Variants in HEATR5A observed in about 807,000 individuals in gnomAD.
The protein encoded by HEATR5A is HEAT repeat containing 5A.
In HEATR5A, 178 loss-of-function variants were observed where a neutral mutation model predicts 218.8. The observed-to-expected ratio is 0.81, with a 90% confidence interval of 0.72 to 0.92. HEATR5A has a LOEUF of 0.92. HEATR5A is among the 40% of genes least tolerant of loss of function. The probability of loss-of-function intolerance (pLI) is 0.00; values close to 1 mark genes in which losing one functional copy is unlikely to be tolerated. For synonymous variants in HEATR5A, 864 were observed against 871.6 expected, an observed-to-expected ratio of 0.99 and a Z score of 0.15; for missense variants, 2,420 against 2,418.9, an observed-to-expected ratio of 1.00 and a Z score of -0.01.
intron 6 of HEATR5A, among the ~76,000 whole-genome samples, chr14:31,390,056 T>C (rs556985074): frequency 6.6e-6 from 1 of 152,198 alleles, no homozygotes; most frequent in South Asian, 2.1e-4. Context: ...ACAGTTTGAA[T>C]GTAGGGAAGA....
intron 16 of HEATR5A, among the ~76,000 whole-genome samples, 172 bp from the exon 17 acceptor site, chr14:31,350,889 C>T (rs1345843402): frequency 6.6e-6 from 1 of 152,142 alleles, no homozygotes; most frequent in Non-Finnish European, 1.5e-5. Flanking sequence ...GAGATTCTCT[C>T]ACCTCAGTCT....
chr14:31,385,912 G>C (rs1213374362), intron 9 of HEATR5A, among the ~76,000 whole-genome samples: 1 of 152,106 alleles, frequency 6.6e-6, no homozygotes, highest in African/African-American at 2.4e-5. Context: ...ATTTTTAGTA[G>C]AGACGGGGTT....
intron 22 of HEATR5A, among the ~76,000 whole-genome samples, chr14:31,326,818 T>A (rs996852903): frequency 1.4e-4 from 21 of 151,920 alleles, no homozygotes; most frequent in African/African-American, 4.4e-4. Context: ...AATTTTTTTT[T>A]ATTTTTAGTA....
At chr14:31,378,463 T>C (rs2029870515) in intron 11 of HEATR5A, among the ~76,000 whole-genome samples, 1 of 152,196 alleles carries the variant, frequency 6.6e-6, no homozygotes, top group African/African-American at 2.4e-5. Flanking sequence ...CTAAACTTGA[T>C]CTAGTCCAAT....
At chr14:31,368,329 G>T (rs1360997484) in intron 13 of HEATR5A, among the ~76,000 whole-genome samples, 1 of 152,076 alleles carries the variant, frequency 6.6e-6, no homozygotes, top group African/African-American at 2.4e-5. Flanking sequence ...CCTGCCTCCA[G>T]AACTGTTAGA....
intron 4 of HEATR5A, among the ~76,000 whole-genome samples, chr14:31,398,398 A>G (rs1403500438): frequency 1.3e-5 from 2 of 152,190 alleles, no homozygotes; most frequent in African/African-American, 4.8e-5. Flanking sequence ...GAGTAAGAGG[A>G]GAGAGTAGGG....
intron 29 of HEATR5A, among the ~76,000 whole-genome samples, chr14:31,308,337 G>A (rs1182643668): frequency 2.0e-5 from 3 of 151,818 alleles, no homozygotes; most frequent in Admixed American, 1.3e-4. Flanking sequence ...GAGAAACCCC[G>A]TCTCGACTAA....
intron 20 of HEATR5A, 38 bp from the exon 21 acceptor site, chr14:31,344,103 AT>A (rs1040984422): frequency 2.4e-6 from 3 of 1,244,258 alleles, no homozygotes; most frequent in Admixed American, 3.2e-5. Context: ...TAATTGGCCT[AT>A]AAAAACATTA....
chr14:31,304,392 A>G (rs1899486203), intron 32 of HEATR5A, among the ~76,000 whole-genome samples: 2 of 152,204 alleles, frequency 1.3e-5, no homozygotes, highest in South Asian at 2.1e-4. Context: ...GAGCATATCT[A>G]TAATACTTGC....
At chr14:31,347,415 T>C (rs577212974) in intron 19 of HEATR5A, among the ~76,000 whole-genome samples, 1 of 152,300 alleles carries the variant, frequency 6.6e-6, no homozygotes, top group East Asian at 1.9e-4. Context: ...TTTTACCATG[T>C]TGCCCAGACT....
At chr14:31,337,704 T>C in intron 21 of HEATR5A, 90 bp from the exon 22 acceptor site, 1 of 1,128,330 alleles carries the variant, frequency 8.9e-7, no homozygotes, top group Non-Finnish European at 1.3e-6. Flanking sequence ...CCTTCCTGAT[T>C]CTGTCCAGCC....
chr14:31,306,316 AT>A (rs1334637250), intron 31 of HEATR5A, among the ~76,000 whole-genome samples: 1 of 152,072 alleles, frequency 6.6e-6, no homozygotes, highest in East Asian at 1.9e-4. Flanking sequence ...CCCGTCTCTA[AT>A]AAAAAATACG....
At chr14:31,337,062 T>C (rs556191015) in intron 22 of HEATR5A, among the ~76,000 whole-genome samples, 3 of 152,344 alleles carry the variant, frequency 2.0e-5, no homozygotes, top group African/African-American at 4.8e-5. Context: ...AGTGAAGATA[T>C]GGTATTATAA....
intron 21 of HEATR5A, 55 bp from the exon 22 acceptor site, chr14:31,337,669 G>A: frequency 6.7e-7 from 1 of 1,486,444 alleles, no homozygotes; most frequent in East Asian, 2.4e-5. Flanking sequence ...GGCACTCAGT[G>A]AGTCTAATAG....
At chr14:31,340,547 A>C in intron 21 of HEATR5A, 1 of 926,438 alleles carries the variant, frequency 1.1e-6, no homozygotes, top group Admixed American at 2.4e-5. Flanking sequence ...CTTTGACAAC[A>C]GTCAGCTAAG....
intron 1 of HEATR5A, among the ~76,000 whole-genome samples, chr14:31,409,542 A>T (rs964996688): frequency 7.9e-5 from 12 of 152,242 alleles, no homozygotes; most frequent in African/African-American, 2.4e-4. Flanking sequence ...TCCACAAAAC[A>T]TACAAAAGTT....
At chr14:31,293,734 AAATT>A (rs1899090230) in intron 35 of HEATR5A, 122 bp from the exon 36 acceptor site, 2 of 1,080,822 alleles carry the variant, frequency 1.9e-6, no homozygotes, top group African/African-American at 3.2e-5. Flanking sequence ...AATCTCTTCT[AAATT>A]AATACTAAAT....
At position 31,364,191 on chromosome 14, in the gene HEATR5A, T is replaced by C. The variant is rs1035045373; in HGVS notation, c.2069A>G (p.Glu690Gly). ...ACATTTTGGTCTAAGGCACATACCT[T>C]CATAGGTCTCAGGAGGTAATAAAAT... ...LLILLPPETY[E>G]GNLCAILREL... Residue 690 changes from glutamate (E) to glycine (G), a missense_variant and splice_region_variant, in exon 14 of 36, where the codon GAA (glutamate) becomes GGA (glycine). Glu to Gly is a moderately conservative substitution (Grantham distance 98). Coordinates refer to ENST00000543095, the MANE Select transcript of HEATR5A (RefSeq NM_015473.4). 5 of 1,448,990 alleles carry C rather than the reference T, an allele frequency of 3.5e-6. No homozygotes were observed. The African/African-American group carries it at 7.1e-5, about 21-fold the overall frequency. 89.8% of individuals were successfully genotyped at this position (1,448,990 alleles called of 1,614,324 possible).
rs1319309478 is a variant in HEATR5A at position 31,364,265 on chromosome 14, A to G, written c.1995T>C (p.Pro665=). The change falls in exon 14 of 36, where the codon CCT becomes CCC. Residue 665 remains proline, a synonymous_variant. Coordinates refer to ENST00000543095, the MANE Select transcript of HEATR5A (RefSeq NM_015473.4). ...TATAAACCACTGACGGTGTTTTCAAAGGACTTCCATACATTTTTAGTATTG... is the reference window on the plus strand; with the variant it reads ...TATAAACCACTGACGGTGTTTTCAAGGGACTTCCATACATTTTTAGTATTG... ...LSSILKMYGS[P]LKTPSVVYRQ... The G allele has an allele frequency of 6.5e-7, 1 of 1,547,620 alleles. No individual in the cohort carries two copies. Among genetic ancestry groups the G allele is most frequent in the South Asian group, 1.2e-5 (1 of 82,814 alleles).
Sources: gnomAD v4.1 joint callset for allele counts (sites outside exome capture counted in the v4.1 genomes callset) on GRCh38, gnomAD v4.1.1 for gene constraint, MANE v1.5 for transcripts, NCBI Gene and HGNC (gene_info 2026-07-23, HGNC 2026-07-21) for gene names.